SEPTIN11: variants seen among roughly 807,000 people sequenced by gnomAD.
SEPTIN11 encodes the protein septin 11, also known as septin-11.
SEPTIN11 carries 25 observed loss-of-function variants against 51.4 expected under a neutral mutation model. That is an observed-to-expected ratio of 0.49 (90% confidence interval 0.35 to 0.68). The LOEUF (loss-of-function observed/expected upper bound fraction) is 0.68, where lower values mean the gene tolerates loss of function less well. SEPTIN11 is among the 30% of genes least tolerant of loss of function. The pLI, the probability that SEPTIN11 is intolerant of heterozygous loss-of-function variation, is 0.00. For missense variants in SEPTIN11, 381 were observed against 520.8 expected (o/e 0.73, Z 2.61); for synonymous variants, 174 against 184.1 (o/e 0.95, Z 0.44).
intron 4 of SEPTIN11, 136 bp from the exon 5 acceptor site, chr4:77,014,720 T>A (rs1383971391): frequency 7.1e-6 from 6 of 841,916 alleles, no homozygotes; most frequent in Admixed American, 5.3e-5. Flanking sequence ...GTACATGAGA[T>A]GTTTTGATAT....
At chr4:76,978,550 C>T (rs1444423811) in intron 1 of SEPTIN11, among the ~76,000 whole-genome samples, 1 of 152,162 alleles carries the variant, frequency 6.6e-6, no homozygotes, top group Non-Finnish European at 1.5e-5. Context: ...GGCTTTGACT[C>T]CTGGCCCTAC....
At chr4:76,999,289 A>G (rs1723951728) in intron 2 of SEPTIN11, among the ~76,000 whole-genome samples, 1 of 152,202 alleles carries the variant, frequency 6.6e-6, no homozygotes, top group Admixed American at 6.5e-5. Flanking sequence ...TAATATCTTT[A>G]TAAGAAAAAA....
chr4:77,020,202 A>G (rs1430284319), intron 6 of SEPTIN11, among the ~76,000 whole-genome samples: 8 of 152,116 alleles, frequency 5.3e-5, no homozygotes, highest in African/African-American at 1.9e-4. Context: ...GAGTCATGAC[A>G]TCTAGTTGGC....
chr4:77,001,005 C>T (rs192624818), intron 2 of SEPTIN11, among the ~76,000 whole-genome samples: 1 of 152,270 alleles, frequency 6.6e-6, no homozygotes, highest in African/African-American at 2.4e-5. Flanking sequence ...CACAGATCAA[C>T]AATTTGTTCA....
intron 1 of SEPTIN11, among the ~76,000 whole-genome samples, chr4:76,952,918 C>T (rs976236670): frequency 2.0e-5 from 3 of 152,304 alleles, no homozygotes; most frequent in Middle Eastern, 3.4e-3. Context: ...ATTTACTCTA[C>T]TTGGGAATCA....
In SEPTIN11 at chr4:76,977,971, A is replaced by C. The variant is rs181484592; in HGVS notation, c.28-18454A>C. On this transcript the variant is annotated intron_variant, in intron 1 of 9. Coordinates refer to ENST00000264893, the MANE Select transcript of SEPTIN11 (RefSeq NM_018243.4). The stretch of plus-strand genomic sequence containing the variant: ...GTGGTTTTAATCAGTCAGGACTGCT[A>C]ACTGCATCCTTTCTTGTTTTTCTTT... Among the ~76,000 whole-genome samples, 591 of 152,322 alleles carry C rather than the reference A, an allele frequency of 3.9e-3. 6 individuals carry two copies. Among genetic ancestry groups the C allele is most frequent in the African/African-American group, 0.014 (569 of 41,572 alleles).
chr4:76,972,192 T>C (rs1483567325), intron 1 of SEPTIN11, among the ~76,000 whole-genome samples: 1 of 152,252 alleles, frequency 6.6e-6, no homozygotes, highest in Non-Finnish European at 1.5e-5. Flanking sequence ...CTTTATTGTA[T>C]GTGCAAATAT....
chr4:76,966,032 T>C (rs1459546321), intron 1 of SEPTIN11, among the ~76,000 whole-genome samples: 1 of 152,236 alleles, frequency 6.6e-6, no homozygotes, highest in African/African-American at 2.4e-5. Context: ...TACATGGTTT[T>C]GTCTCCAGCA....
chr4:77,032,411 C>T (rs138682699), intron 9 of SEPTIN11, among the ~76,000 whole-genome samples: 55 of 152,310 alleles, frequency 3.6e-4, no homozygotes, highest in African/African-American at 1.3e-3. Context: ...TGTAGCTATG[C>T]ATGTCGGGAG....
At chr4:76,982,048 T>A (rs947132809) in intron 1 of SEPTIN11, among the ~76,000 whole-genome samples, 1 of 152,176 alleles carries the variant, frequency 6.6e-6, no homozygotes, top group Non-Finnish European at 1.5e-5. Context: ...TCCAGTAAAC[T>A]GAAAAAGAAT....
rs565576518 is a variant in SEPTIN11 at position 76,996,740 on chromosome 4, TTTGTC to T, written c.142+202_142+206del. ...GTATTTAGGTAAATGCGTTGTATGT[TTTGTC>T]ATGTTACTCAAATTACTATTAGTAT... On this transcript the variant is annotated intron_variant, in intron 2 of 9. Coordinates refer to ENST00000264893, the MANE Select transcript of SEPTIN11 (RefSeq NM_018243.4). Among the ~76,000 whole-genome samples, 394 of 152,348 alleles carry T rather than the reference TTTGTC, an allele frequency of 2.6e-3. 2 individuals carry two copies. Among genetic ancestry groups the T allele is most frequent in the African/African-American group, 9.0e-3 (373 of 41,576 alleles).
Position 77,036,660 on chromosome 4 carries a change from TAAA to T in SEPTIN11, c.*2152_*2154del. 1.3e-6 allele frequency: 2 copies of T among 1,482,958 alleles called. No homozygotes were observed. The highest frequency in any genetic ancestry group is 5.1e-5 in the East Asian group (2 of 39,236). The allele number at this position is 1,482,958 out of a possible 1,614,324, so 91.9% of individuals were successfully genotyped here. Reference sequence around the variant, plus strand: ...AGAAACAAATAGAAGCTTTTTTTTTTAAAAAATGTATTGCTTCTGAACTTTTTT... The same window carrying T: ...AGAAACAAATAGAAGCTTTTTTTTTTAAATGTATTGCTTCTGAACTTTTTT... On this transcript the variant is annotated 3_prime_UTR_variant, in exon 10 of 10. Transcript: ENST00000264893.
intron 1 of SEPTIN11, among the ~76,000 whole-genome samples, chr4:76,954,293 G>A (rs767061426): frequency 3.3e-5 from 5 of 152,146 alleles, no homozygotes; most frequent in South Asian, 2.1e-4. Context: ...GGGGATAGAC[G>A]CTGCTCTTGG....
rs535921345 is a variant in SEPTIN11, at chr4:76,980,513, G to A, written c.28-15912G>A. Among the ~76,000 whole-genome samples the A allele has an allele frequency of 3.0e-3, 453 of 152,214 alleles. 3 individuals are homozygous for A. The highest frequency in any genetic ancestry group is 8.7e-3 in the African/African-American group (360 of 41,532). ...GCCACATTGCGCTAAACCCACTCCC[G>A]GTAATAAGCAACCTAAGTGTGTACA... On this transcript the variant is annotated intron_variant, in intron 1 of 9. Coordinates refer to ENST00000264893, the MANE Select transcript of SEPTIN11 (RefSeq NM_018243.4).
Position 77,035,739 on chromosome 4 carries a change from T to C in SEPTIN11, c.*1227T>C. On this transcript the variant is annotated 3_prime_UTR_variant, in exon 10 of 10. Coordinates refer to ENST00000264893, the MANE Select transcript of SEPTIN11 (RefSeq NM_018243.4). ...CTGCTCTTTGTCTAAGGCCCTTGCC[T>C]CATCAGGGATTAGAACTGGCCCATA... The C allele has an allele frequency of 3.0e-6, 3 of 985,920 alleles. No homozygotes were observed. Among genetic ancestry groups the C allele is most frequent in the Non-Finnish European group, 3.6e-6 (3 of 829,956 alleles). 61.1% of individuals were successfully genotyped at this position (985,920 alleles called of 1,614,324 possible). A position where few individuals can be genotyped will look rare whatever the true frequency, so the allele number is the denominator to read the frequency against.
intron 3 of SEPTIN11, among the ~76,000 whole-genome samples, chr4:77,007,147 A>AT (rs1223488874): frequency 1.3e-5 from 2 of 152,200 alleles, no homozygotes; most frequent in Admixed American, 1.3e-4. Flanking sequence ...GGCTGTTTGT[A>AT]ATGCCAAGAG....
At chr4:76,952,293 G>A (rs1342356704) in intron 1 of SEPTIN11, among the ~76,000 whole-genome samples, 1 of 152,160 alleles carries the variant, frequency 6.6e-6, no homozygotes, top group Non-Finnish European at 1.5e-5. Context: ...GGAAGGGTGC[G>A]CTGAGGGAAA....
At chr4:77,005,839 TAGC>T (rs1560726394) in intron 3 of SEPTIN11, 43 bp downstream of exon 3, 1 of 1,556,990 alleles carries the variant, frequency 6.4e-7, no homozygotes, top group South Asian at 1.2e-5. Flanking sequence ...GATGAGGAGA[TAGC>T]AGGATCCATC....
intron 1 of SEPTIN11, among the ~76,000 whole-genome samples, chr4:76,970,617 A>G (rs1213857587): frequency 2.0e-5 from 3 of 152,178 alleles, no homozygotes; most frequent in Non-Finnish European, 4.4e-5. Flanking sequence ...TTAAGATTTT[A>G]ATTTTCATTT....
Sources: gnomAD v4.1 joint callset for allele counts (sites outside exome capture counted in the v4.1 genomes callset) on GRCh38, gnomAD v4.1.1 for gene constraint, MANE v1.5 for transcripts, NCBI Gene and HGNC (gene_info 2026-07-23, HGNC 2026-07-21) for gene names.